The following COL23A1 variants were observed in gnomAD, a reference collection of about 807,000 sequenced individuals.
The protein encoded by COL23A1 is collagen type XXIII alpha 1 chain.
Under a neutral mutation model 99.3 loss-of-function variants are expected in COL23A1, and 97 were observed. That is an observed-to-expected ratio of 0.98 (90% CI 0.83 to 1.16). COL23A1 has a LOEUF of 1.16. Ranked by LOEUF, COL23A1 falls within the 50% of genes most tolerant of loss-of-function variation. The probability of loss-of-function intolerance (pLI) is 0.00; values close to 1 mark genes in which losing one functional copy is unlikely to be tolerated. For missense variants in COL23A1, 762 were observed against 757.4 expected, an observed-to-expected ratio of 1.01 and a Z score of -0.07; for synonymous variants, 320 against 308.2, an observed-to-expected ratio of 1.04 and a Z score of -0.40.
intron 1 of COL23A1, among the ~76,000 whole-genome samples, chr5:178,565,748 G>C (rs1318674046): frequency 1.3e-5 from 2 of 151,948 alleles, no homozygotes; most frequent in Non-Finnish European, 2.9e-5. Flanking sequence ...CTTAAATCCT[G>C]GTAGCAACTG....
chr5:178,288,702 C>T (rs1181890315), intron 4 of COL23A1, among the ~76,000 whole-genome samples: 1 of 152,218 alleles, frequency 6.6e-6, no homozygotes, highest in Non-Finnish European at 1.5e-5. Context: ...ACTGAAAATG[C>T]TCCTTAAACT....
chr5:178,535,040 G>A (rs868660639), intron 2 of COL23A1, among the ~76,000 whole-genome samples: 1 of 144,806 alleles, frequency 6.9e-6, no homozygotes, highest in Non-Finnish European at 1.5e-5. Flanking sequence ...GCGTGATTTC[G>A]GCTCACTGCA....
At chr5:178,457,370 C>A (rs1382832146) in intron 2 of COL23A1, among the ~76,000 whole-genome samples, 1 of 152,106 alleles carries the variant, frequency 6.6e-6, no homozygotes, top group Non-Finnish European at 1.5e-5. Flanking sequence ...CCCGCCACCA[C>A]GCCCGGCTAA....
intron 8 of COL23A1, 54 bp downstream of exon 8, chr5:178,267,253 T>C: frequency 6.2e-7 from 1 of 1,600,042 alleles, no homozygotes; most frequent in Non-Finnish European, 8.6e-7. Context: ...TATGCCTCAT[T>C]ATTACACAAA....
At chr5:178,259,634 C>T in intron 12 of COL23A1, 87 bp downstream of exon 12, 1 of 1,288,150 alleles carries the variant, frequency 7.8e-7, no homozygotes, top group Non-Finnish European at 1.1e-6. Context: ...CGTCCCCATC[C>T]CCATCCCCAT....
intron 2 of COL23A1, among the ~76,000 whole-genome samples, chr5:178,358,531 AGT>A (rs200281074): frequency 9.3e-4 from 125 of 134,970 alleles, no homozygotes; most frequent in Non-Finnish European, 1.3e-3. Flanking sequence ...ATGTATGTCT[AGT>A]GTGTGTATGT....
intron 2 of COL23A1, among the ~76,000 whole-genome samples, chr5:178,493,450 C>A (rs1230509828): frequency 1.3e-5 from 2 of 152,254 alleles, no homozygotes; most frequent in Non-Finnish European, 2.9e-5. Context: ...TGGTGCCTTG[C>A]AGGCCTCCAT....
chr5:178,487,518 G>A (rs1219733073), intron 2 of COL23A1, among the ~76,000 whole-genome samples: 1 of 151,902 alleles, frequency 6.6e-6, no homozygotes, highest in Admixed American at 6.6e-5. Context: ...TTATTTTAAA[G>A]GAACTTAAAA....
chr5:178,561,177 G>A (rs968591661), intron 1 of COL23A1, among the ~76,000 whole-genome samples: 4 of 152,244 alleles, frequency 2.6e-5, no homozygotes, highest in South Asian at 4.1e-4. Flanking sequence ...GTCCACACCC[G>A]GGAAGTCCCA....
At chr5:178,580,166 A>G (rs1434590379) in intron 1 of COL23A1, among the ~76,000 whole-genome samples, 3 of 152,152 alleles carry the variant, frequency 2.0e-5, no homozygotes, top group Non-Finnish European at 4.4e-5. Flanking sequence ...CATCTCTACT[A>G]AAAATACAAA....
intron 2 of COL23A1, among the ~76,000 whole-genome samples, chr5:178,457,026 A>T (rs2127885979): frequency 6.6e-6 from 1 of 152,294 alleles, no homozygotes; most frequent in African/African-American, 2.4e-5. Flanking sequence ...TTAATGAAAA[A>T]TGTTAATCAT....
chr5:178,256,304 G>A (rs1281022347), intron 15 of COL23A1, 49 bp downstream of exon 15: 1 of 1,432,926 alleles, frequency 7.0e-7, no homozygotes, highest in South Asian at 1.5e-5. Flanking sequence ...GAAGCTATGG[G>A]GCCCCTAGAT....
chr5:178,420,352 C>T (rs1765537977), intron 2 of COL23A1, among the ~76,000 whole-genome samples: 1 of 151,068 alleles, frequency 6.6e-6, no homozygotes, highest in Non-Finnish European at 1.5e-5. Context: ...CTCCCTCCTC[C>T]CCTGCCCCTC....
chr5:178,411,628 G>A (rs1318650978), intron 2 of COL23A1, among the ~76,000 whole-genome samples: 1 of 152,234 alleles, frequency 6.6e-6, no homozygotes, highest in Non-Finnish European at 1.5e-5. Flanking sequence ...GAGCTGGGAG[G>A]AGGGGGAAAT....
At chr5:178,512,052 A>G (rs1759233450) in intron 2 of COL23A1, among the ~76,000 whole-genome samples, 1 of 152,162 alleles carries the variant, frequency 6.6e-6, no homozygotes, top group South Asian at 2.1e-4. Flanking sequence ...TGACCCAACA[A>G]TTTCCTTTCT....
chr5:178,377,603 CA>C (rs1293701757), intron 2 of COL23A1, among the ~76,000 whole-genome samples: 1 of 152,226 alleles, frequency 6.6e-6, no homozygotes, highest in African/African-American at 2.4e-5. Context: ...TTCCCCATCC[CA>C]ACCCCATCTC....
intron 2 of COL23A1, among the ~76,000 whole-genome samples, chr5:178,373,975 C>T (rs538829688): frequency 2.0e-5 from 3 of 152,260 alleles, no homozygotes; most frequent in Admixed American, 6.5e-5. Flanking sequence ...AGTGCAGCAC[C>T]GGCGCCCGCA....
At chr5:178,502,216 CT>C (rs1307121306) in intron 2 of COL23A1, among the ~76,000 whole-genome samples, 2 of 152,224 alleles carry the variant, frequency 1.3e-5, no homozygotes, top group Admixed American at 6.5e-5. Context: ...ACTGCAAGCT[CT>C]GCCTCCCAGG....
At chr5:178,250,569 A>T (rs957289533) in intron 17 of COL23A1, among the ~76,000 whole-genome samples, 1 of 152,240 alleles carries the variant, frequency 6.6e-6, no homozygotes, top group African/African-American at 2.4e-5. Flanking sequence ...ATAAAACACT[A>T]CCCCCAACAG....
Sources: allele counts gnomAD v4.1 joint callset (sites outside exome capture counted in the v4.1 genomes callset), GRCh38; gene constraint gnomAD v4.1.1; transcripts MANE v1.5; gene names NCBI Gene and HGNC (gene_info 2026-07-23, HGNC 2026-07-21).